Variants in VPS13B observed in about 807,000 individuals in gnomAD.
VPS13B encodes intermembrane lipid transfer protein VPS13B.
VPS13B carries 285 observed loss-of-function variants against 426.4 expected under a neutral mutation model. That is an observed-to-expected ratio of 0.67 (90% CI 0.61 to 0.74). The LOEUF (loss-of-function observed/expected upper bound fraction) is 0.74. VPS13B is among the 30% of genes least tolerant of loss of function. The pLI is 0.00. For synonymous variants in VPS13B, 1,676 were observed against 1,676.4 expected (o/e 1.00, Z 0.01); for missense variants, 4,537 against 4,782.6 (o/e 0.95, Z 1.51).
chr8:99,137,231 C>T lies in VPS13B; in HGVS notation c.1651+479C>T, dbSNP rs193113081. On this transcript the variant is annotated intron_variant, in intron 12 of 61. Coordinates refer to ENST00000357162, the MANE Select transcript of VPS13B (RefSeq NM_152564.5). Reference sequence around the variant, plus strand: ...TTTTCTATTTTTTGGAAATAAATGACGTTTAAAACATTTCAACACTTTTTT... The same window carrying T: ...TTTTCTATTTTTTGGAAATAAATGATGTTTAAAACATTTCAACACTTTTTT... Among the ~76,000 whole-genome samples, 565 of 149,208 alleles carry T rather than the reference C, an allele frequency of 3.8e-3. 4 individuals carry two copies. The highest frequency in any genetic ancestry group is 0.013 in the South Asian group (62 of 4,766).
intron 25 of VPS13B, among the ~76,000 whole-genome samples, chr8:99,483,737 C>CA (rs1306232809): frequency 6.6e-6 from 1 of 152,070 alleles, no homozygotes; most frequent in African/African-American, 2.4e-5. Context: ...TTTTGGAGTG[C>CA]TCACTCAACT....
chr8:99,392,211 C>G (rs749006362), intron 21 of VPS13B, among the ~76,000 whole-genome samples: 5 of 152,124 alleles, frequency 3.3e-5, no homozygotes, highest in Non-Finnish European at 5.9e-5. Context: ...CGACAGTACA[C>G]CTTAATCATC....
chr8:99,025,572 CT>C (rs1842092749), intron 2 of VPS13B, among the ~76,000 whole-genome samples: 1 of 151,988 alleles, frequency 6.6e-6, no homozygotes, highest in African/African-American at 2.4e-5. Flanking sequence ...TAATACTGGC[CT>C]TGTAGAATGA....
In VPS13B at chr8:99,628,969, T is replaced by C. The variant is rs144631275; in HGVS notation, c.5221-12842T>C. 6.4e-4 allele frequency among the ~76,000 whole-genome samples: 98 copies of C among 152,242 alleles called. 1 individual carries two copies. Among genetic ancestry groups the C allele is most frequent in the South Asian group, 4.3e-3 (21 of 4,828 alleles). On this transcript the variant is annotated intron_variant, in intron 33 of 61. Transcript: ENST00000357162. ...TTGTAGTGACGGGATCATGCTATGT[T>C]GTACAGGCTGATCTCAAACTCCTGG...
chr8:99,490,520 C>G (rs139265328), intron 25 of VPS13B, among the ~76,000 whole-genome samples: 3,540 of 152,252 alleles, frequency 0.023, 59 homozygotes, highest in Middle Eastern at 0.082. Context: ...GGCTGTGTAT[C>G]CATCTGGTCC....
At chr8:99,709,049 T>G (rs1832607640) in intron 36 of VPS13B, among the ~76,000 whole-genome samples, 1 of 152,094 alleles carries the variant, frequency 6.6e-6, no homozygotes, top group South Asian at 2.1e-4. Flanking sequence ...AAGACTTTAT[T>G]TTTGAGGGAT....
chr8:99,064,742 C>A (rs2132310923), intron 3 of VPS13B, among the ~76,000 whole-genome samples: 1 of 152,222 alleles, frequency 6.6e-6, no homozygotes, highest in East Asian at 1.9e-4. Flanking sequence ...CATTCAAATT[C>A]AGGAAATATA....
intron 35 of VPS13B, among the ~76,000 whole-genome samples, chr8:99,665,927 G>A (rs1284724591): frequency 3.3e-5 from 5 of 152,040 alleles, no homozygotes; most frequent in Non-Finnish European, 5.9e-5. Context: ...CCATTTTCAC[G>A]ATATTGATTC....
chr8:99,515,836 CT>C (rs1325532427), intron 29 of VPS13B, among the ~76,000 whole-genome samples: 3 of 152,052 alleles, frequency 2.0e-5, no homozygotes, highest in African/African-American at 7.2e-5. Context: ...TATTTTTAGC[CT>C]TTTGTACAAA....
intron 33 of VPS13B, among the ~76,000 whole-genome samples, chr8:99,585,798 T>C (rs1382177599): frequency 6.6e-6 from 1 of 152,174 alleles, no homozygotes; most frequent in Non-Finnish European, 1.5e-5. Flanking sequence ...ACATCACTTC[T>C]ATTTAACATT....
At chr8:99,260,005 T>G (rs566081952) in intron 17 of VPS13B, among the ~76,000 whole-genome samples, 1 of 152,066 alleles carries the variant, frequency 6.6e-6, no homozygotes, top group South Asian at 2.1e-4. Flanking sequence ...GAATTCAAAT[T>G]ACAAGAGAGA....
intron 58 of VPS13B, among the ~76,000 whole-genome samples, chr8:99,863,106 T>C (rs1816915625): frequency 6.6e-6 from 1 of 152,190 alleles, no homozygotes; most frequent in Non-Finnish European, 1.5e-5. Context: ...AGTTCTCCTC[T>C]GAACCTGAGT....
chr8:99,429,533 TAA>T (rs374618838), intron 21 of VPS13B: 11 of 151,174 alleles, frequency 7.3e-5, no homozygotes, highest in Admixed American at 2.6e-4. Context: ...CATCCCAAAC[TAA>T]GTTTCCTTTC....
At chr8:99,311,033 T>C (rs1441624642) in intron 19 of VPS13B, among the ~76,000 whole-genome samples, 1 of 152,228 alleles carries the variant, frequency 6.6e-6, no homozygotes. Flanking sequence ...TTATCATTTT[T>C]TATTGTGTCT....
At chr8:99,326,452 C>CT (rs747097247) in intron 19 of VPS13B, among the ~76,000 whole-genome samples, 434 of 32,480 alleles carry the variant, frequency 0.013, 127 homozygotes, top group Admixed American at 0.029. Context: ...CTCTAGGTAG[C>CT]TTTTTTTTTT....
At chr8:99,841,954 G>C (rs1319015836) in intron 54 of VPS13B, among the ~76,000 whole-genome samples, 1 of 152,080 alleles carries the variant, frequency 6.6e-6, no homozygotes, top group Non-Finnish European at 1.5e-5. Flanking sequence ...CAGTCCACCA[G>C]GTTGCTTAAA....
At chr8:99,224,782 T>C (rs1307546810) in intron 17 of VPS13B, among the ~76,000 whole-genome samples, 1 of 152,248 alleles carries the variant, frequency 6.6e-6, no homozygotes, top group Non-Finnish European at 1.5e-5. Context: ...GTTATGCTCT[T>C]CTTTTCATAA....
chr8:99,035,490 T>A (rs570793575), intron 2 of VPS13B, among the ~76,000 whole-genome samples: 2 of 152,364 alleles, frequency 1.3e-5, no homozygotes, highest in South Asian at 4.1e-4. Context: ...TGTTGTGGTA[T>A]ATTATGGGAT....
chr8:99,360,164 T>TCTC (rs1812445698), intron 19 of VPS13B, among the ~76,000 whole-genome samples: 1 of 39,588 alleles, frequency 2.5e-5, no homozygotes, highest in African/African-American at 1.2e-4. Context: ...CTTTCTTTCT[T>TCTC]TCTTTCTTTC....
Sources: allele counts gnomAD v4.1 joint callset (sites outside exome capture counted in the v4.1 genomes callset), GRCh38; gene constraint gnomAD v4.1.1; transcripts MANE v1.5; gene names NCBI Gene and HGNC (gene_info 2026-07-23, HGNC 2026-07-21).